COL25A1: variants seen among roughly 807,000 people sequenced by gnomAD.
The protein encoded by COL25A1 is collagen alpha-1(XXV) chain.
In COL25A1, 103 loss-of-function variants were observed where a neutral mutation model predicts 128.4. The ratio of observed to expected loss-of-function variants is 0.80; its 90% confidence interval spans 0.68 to 0.94. COL25A1 has a LOEUF of 0.94. Ranked by LOEUF, COL25A1 falls within the 40% of genes least tolerant of loss-of-function variation. The pLI is 0.00. For synonymous variants in COL25A1, 279 were observed against 277.2 expected (o/e 1.01, Z -0.06); for missense variants, 745 against 840.0 (o/e 0.89, Z 1.40).
chr4:109,139,333 T>C (rs1770151402), intron 3 of COL25A1, among the ~76,000 whole-genome samples: 2 of 152,224 alleles, frequency 1.3e-5, no homozygotes, highest in South Asian at 4.1e-4. Context: ...TTAGTTTAAT[T>C]AGATCTCATT....
In COL25A1 at chr4:108,833,428, C is replaced by T. The variant is rs182106768; in HGVS notation, c.1657-995G>A. Among the ~76,000 whole-genome samples the T allele has an allele frequency of 6.6e-5, 10 of 152,256 alleles. 1 individual carries two copies. The highest frequency in any genetic ancestry group is 3.3e-4 in the Admixed American group (5 of 15,292). ...GGTGATATTTGAATGAATGTAAGAA[C>T]GCTGAGGTCCAGTGAAAATAATGAT... On this transcript the variant is annotated intron_variant, in intron 31 of 37. Coordinates refer to ENST00000399132, the MANE Select transcript of COL25A1 (RefSeq NM_198721.4).
intron 8 of COL25A1, among the ~76,000 whole-genome samples, chr4:108,955,549 A>G (rs995350318): frequency 5.9e-5 from 9 of 152,128 alleles, no homozygotes; most frequent in African/African-American, 2.2e-4. Context: ...TATCTTGATT[A>G]CAAATAAGGA....
chr4:109,220,559 T>C (rs77097030), intron 3 of COL25A1, among the ~76,000 whole-genome samples: 9,970 of 152,254 alleles, frequency 0.065, 614 homozygotes, highest in African/African-American at 0.16. Context: ...ATGGTAATGA[T>C]ATGTTTAATA....
In COL25A1 at chr4:108,809,370, G is replaced by T. The variant is rs1417818477; in HGVS notation, c.*4557C>A. Reference sequence around the variant, plus strand: ...TAAGTTGAATGAAACATTTACAACAGTATAAAGAATATTCACATAAATGTC... The same window carrying T: ...TAAGTTGAATGAAACATTTACAACATTATAAAGAATATTCACATAAATGTC... On this transcript the variant is annotated 3_prime_UTR_variant, in exon 38 of 38. Transcript: ENST00000399132. 1 of 152,062 alleles carries T rather than the reference G, an allele frequency of 6.6e-6. No individual in the cohort carries two copies. Among genetic ancestry groups the T allele is most frequent in the African/African-American group, 2.4e-5 (1 of 41,432 alleles). 9.4% of individuals were successfully genotyped at this position (152,062 alleles called of 1,614,324 possible). A position where few individuals can be genotyped will look rare whatever the true frequency, so the allele number is the denominator to read the frequency against.
At chr4:108,827,324 C>CT in intron 32 of COL25A1, 136 bp from the exon 33 acceptor site, 1 of 737,426 alleles carries the variant, frequency 1.4e-6, no homozygotes. Flanking sequence ...CTTGCAGAGT[C>CT]ACTGCCAGTG....
intron 3 of COL25A1, among the ~76,000 whole-genome samples, chr4:109,054,319 C>A (rs756589781): frequency 4.6e-5 from 7 of 152,200 alleles, no homozygotes; most frequent in Non-Finnish European, 1.0e-4. Context: ...ATTGAGCTGA[C>A]TTTCAACTAA....
At chr4:109,294,307 G>A (rs557106496) in intron 3 of COL25A1, among the ~76,000 whole-genome samples, 4 of 152,008 alleles carry the variant, frequency 2.6e-5, no homozygotes, top group Non-Finnish European at 4.4e-5. Flanking sequence ...GTCATTTGGA[G>A]GAATATATGA....
chr4:109,149,007 A>G (rs958865221), intron 3 of COL25A1, among the ~76,000 whole-genome samples: 8 of 152,166 alleles, frequency 5.3e-5, no homozygotes, highest in African/African-American at 1.9e-4. Context: ...AGATAAGTCA[A>G]CTGCTCTTCC....
intron 18 of COL25A1, among the ~76,000 whole-genome samples, chr4:108,887,118 T>C (rs1740929087): frequency 1.3e-5 from 2 of 152,132 alleles, no homozygotes; most frequent in South Asian, 4.1e-4. Flanking sequence ...CTCGAGGCTA[T>C]AAAAGAAAGA....
chr4:109,232,755 G>C (rs1018174273), intron 3 of COL25A1, among the ~76,000 whole-genome samples: 1 of 151,964 alleles, frequency 6.6e-6, no homozygotes, highest in South Asian at 2.1e-4. Flanking sequence ...TGCTATAATC[G>C]CCTCCTTAAA....
At chr4:108,947,847 T>C (rs1418456248) in intron 8 of COL25A1, among the ~76,000 whole-genome samples, 1 of 152,120 alleles carries the variant, frequency 6.6e-6, no homozygotes, top group Non-Finnish European at 1.5e-5. Flanking sequence ...TGTTGGGCTA[T>C]GGAGGAAAAG....
chr4:109,090,107 T>C lies in COL25A1; in HGVS notation c.368-39928A>G, dbSNP rs200753170. Among the ~76,000 whole-genome samples the C allele has an allele frequency of 2.6e-5, 4 of 152,194 alleles. No homozygotes were observed. In the East Asian group the frequency reaches 5.8e-4, roughly 22 times the overall value. On this transcript the variant is annotated intron_variant, in intron 3 of 37. Transcript: ENST00000399132. Reference sequence around the variant, plus strand: ...AAATGTAATAGAAATGTAATACATGTAATAGAAACATGTAAGATGTTTCTA... The same window carrying C: ...AAATGTAATAGAAATGTAATACATGCAATAGAAACATGTAAGATGTTTCTA...
chr4:108,996,289 G>GA (rs1237222386), intron 6 of COL25A1, among the ~76,000 whole-genome samples: 3,528 of 13,486 alleles, frequency 0.26, 98 homozygotes, highest in African/African-American at 0.27. Context: ...AAGCAAATGG[G>GA]AAAAAAAAAA....
chr4:109,001,372 C>CAGGCATCTGAGATCCTATCAGGT (rs1755351011), intron 6 of COL25A1, among the ~76,000 whole-genome samples: 3 of 24,148 alleles, frequency 1.2e-4, no homozygotes, highest in Admixed American at 5.8e-4. Flanking sequence ...TTAAAAGAAA[C>CAGGCATCTGAGATCCTATCAGGT]AGGCATCTGA....
chr4:109,224,745 G>A (rs1578485217), intron 3 of COL25A1, among the ~76,000 whole-genome samples: 1 of 152,090 alleles, frequency 6.6e-6, no homozygotes, highest in South Asian at 2.1e-4. Flanking sequence ...TTAGAGATCA[G>A]CCGGACCAAC....
chr4:109,204,053 A>T (rs2126185712), intron 3 of COL25A1, among the ~76,000 whole-genome samples: 1 of 152,302 alleles, frequency 6.6e-6, no homozygotes, highest in East Asian at 1.9e-4. Context: ...AAAATAAAAA[A>T]GTAGTTCTGC....
chr4:109,073,132 T>C (rs2125985041), intron 3 of COL25A1, among the ~76,000 whole-genome samples: 1 of 152,228 alleles, frequency 6.6e-6, no homozygotes, highest in South Asian at 2.1e-4. Context: ...TGTGTGTGCA[T>C]GTGTATGTGT....
At chr4:109,243,909 T>C (rs1780074144) in intron 3 of COL25A1, among the ~76,000 whole-genome samples, 1 of 152,092 alleles carries the variant, frequency 6.6e-6, no homozygotes, top group Non-Finnish European at 1.5e-5. Context: ...TTCTCTTGCA[T>C]CTGTTGAGCA....
intron 16 of COL25A1, among the ~76,000 whole-genome samples, chr4:108,892,650 T>C (rs145718889): frequency 0.024 from 3,645 of 152,328 alleles, 66 homozygotes; most frequent in Non-Finnish European, 0.039. Context: ...ATTTTTTTCT[T>C]TCTTTCCTTT....
Sources: gnomAD v4.1 joint callset for allele counts (sites outside exome capture counted in the v4.1 genomes callset) on GRCh38, gnomAD v4.1.1 for gene constraint, MANE v1.5 for transcripts, NCBI Gene and HGNC (gene_info 2026-07-23, HGNC 2026-07-21) for gene names.